The following UTRN variants were observed in gnomAD, a reference collection of about 807,000 sequenced individuals.
The protein encoded by UTRN is utrophin.
A neutral mutation model predicts 463.9 loss-of-function variants in UTRN; 283 were observed. That is an observed-to-expected ratio of 0.61 (90% confidence interval 0.55 to 0.67). UTRN has a LOEUF of 0.67. Ranked by LOEUF, UTRN falls within the 30% of genes least tolerant of loss-of-function variation. The probability of loss-of-function intolerance (pLI) is 0.00; values close to 1 mark genes in which losing one functional copy is unlikely to be tolerated. For synonymous variants in UTRN, 1,442 were observed against 1,431.5 expected (o/e 1.01, Z -0.17); for missense variants, 3,922 against 4,084.3 (o/e 0.96, Z 1.08).
At position 144,705,878 on chromosome 6, in the gene UTRN, A is replaced by G. The variant is rs541659825; in HGVS notation, c.7809+5635A>G. 3.3e-5 allele frequency among the ~76,000 whole-genome samples: 5 copies of G among 151,386 alleles called. No homozygotes were observed. The East Asian group carries it at 9.7e-4, about 29-fold the overall frequency. On this transcript the variant is annotated intron_variant, in intron 53 of 74. Coordinates refer to ENST00000367545, the MANE Select transcript of UTRN (RefSeq NM_007124.3). ...GTTTTAAAATTACGTTACTATAAAT[A>G]TTATATAAAATATATATAATTAACA...
chr6:144,499,885 A>G (rs991427575), intron 34 of UTRN, among the ~76,000 whole-genome samples: 2 of 152,160 alleles, frequency 1.3e-5, no homozygotes, highest in Non-Finnish European at 2.9e-5. Flanking sequence ...CCATTCCTGC[A>G]TTAATTCACT....
chr6:144,766,097 G>A (rs1271771137), intron 58 of UTRN, among the ~76,000 whole-genome samples: 1 of 151,692 alleles, frequency 6.6e-6, no homozygotes, highest in Admixed American at 6.6e-5. Flanking sequence ...CTCCCCAGGG[G>A]CTTTTCCACA....
At chr6:144,630,884 A>C (rs1400062377) in intron 51 of UTRN, among the ~76,000 whole-genome samples, 1 of 152,012 alleles carries the variant, frequency 6.6e-6, no homozygotes, top group Non-Finnish European at 1.5e-5. Flanking sequence ...TAACCACCCC[A>C]AGAAGACTTT....
chr6:144,786,527 A>G (rs1183399458), intron 61 of UTRN, among the ~76,000 whole-genome samples: 1 of 151,860 alleles, frequency 6.6e-6, no homozygotes, highest in Non-Finnish European at 1.5e-5. Context: ...CTCGTGATCC[A>G]CCTGCCTCAG....
intron 65 of UTRN, among the ~76,000 whole-genome samples, chr6:144,819,894 C>CTCT (rs1779419256): frequency 8.0e-6 from 1 of 125,062 alleles, no homozygotes; most frequent in Non-Finnish European, 1.6e-5. Context: ...CCTCCTCCTC[C>CTCT]TCCTCCTCCT....
intron 55 of UTRN, among the ~76,000 whole-genome samples, chr6:144,749,391 C>G (rs1791128796): frequency 6.6e-6 from 1 of 152,116 alleles, no homozygotes; most frequent in Non-Finnish European, 1.5e-5. Flanking sequence ...TTCTTATTTA[C>G]AGAATACACA....
intron 53 of UTRN, 61 bp from the exon 54 acceptor site, chr6:144,730,296 T>C: frequency 6.9e-7 from 1 of 1,444,212 alleles, no homozygotes; most frequent in Middle Eastern, 1.9e-4. Flanking sequence ...TAGTTGAAGA[T>C]GTCCCATAAT....
chr6:144,320,938 G>T (rs541745531), intron 2 of UTRN, among the ~76,000 whole-genome samples: 1 of 152,170 alleles, frequency 6.6e-6, no homozygotes, highest in Non-Finnish European at 1.5e-5. Flanking sequence ...GGGATGGAGT[G>T]GGGGGAGGTG....
intron 46 of UTRN, among the ~76,000 whole-genome samples, chr6:144,546,971 G>T (rs2128609730): frequency 6.6e-6 from 1 of 152,326 alleles, no homozygotes; most frequent in South Asian, 2.1e-4. Flanking sequence ...TTGGTCTCTT[G>T]TGATGTCACG....
In UTRN at chr6:144,635,532, TTTC is replaced by T. The variant is rs1362944284; in HGVS notation, c.7480-42871_7480-42869del. 4.9e-3 allele frequency among the ~76,000 whole-genome samples: 236 copies of T among 48,204 alleles called. 1 individual carries two copies. The highest frequency in any genetic ancestry group is 0.013 in the African/African-American group (144 of 10,788). 31.6% of individuals were successfully genotyped at this position (48,204 alleles called of 152,430 possible). On this transcript the variant is annotated intron_variant, in intron 51 of 74. Coordinates refer to ENST00000367545, the MANE Select transcript of UTRN (RefSeq NM_007124.3). ...TTTTTTTCTTTTTTTTTTTTTTTCT[TTTC>T]TTTTTTTTTTTTTTTTTTTTTTGAG...
chr6:144,528,329 C>T (rs572794871), intron 41 of UTRN, among the ~76,000 whole-genome samples: 4 of 152,284 alleles, frequency 2.6e-5, no homozygotes, highest in African/African-American at 9.6e-5. Flanking sequence ...AGCCACTGCC[C>T]CCAGCCTAGT....
At chr6:144,481,726 C>A (rs527776232) in intron 26 of UTRN, among the ~76,000 whole-genome samples, 3 of 152,344 alleles carry the variant, frequency 2.0e-5, no homozygotes, top group African/African-American at 7.2e-5. Flanking sequence ...ACATTGGATG[C>A]ATGAGTGAAA....
chr6:144,459,885 T>G (rs1789239277), intron 21 of UTRN, among the ~76,000 whole-genome samples: 1 of 152,022 alleles, frequency 6.6e-6, no homozygotes, highest in South Asian at 2.1e-4. Flanking sequence ...ACAGGTGATA[T>G]AACAGCCTCC....
At position 144,615,626 on chromosome 6, in the gene UTRN, A is replaced by G. The variant is rs562403726; in HGVS notation, c.7479+38338A>G. Reference sequence around the variant, plus strand: ...TATTCCTATTTGTTGTACCTCAGCTAGCACATTGGTCTCTGCCTCCAAAGT... The same window carrying G: ...TATTCCTATTTGTTGTACCTCAGCTGGCACATTGGTCTCTGCCTCCAAAGT... On this transcript the variant is annotated intron_variant, in intron 51 of 74. Transcript: ENST00000367545. Among the ~76,000 whole-genome samples the G allele has an allele frequency of 5.3e-5, 8 of 152,282 alleles. No homozygotes were observed. In the South Asian group the frequency reaches 1.4e-3, roughly 28 times the overall value.
chr6:144,493,244 A>C, intron 32 of UTRN, 57 bp from the exon 33 acceptor site: 1 of 1,562,138 alleles, frequency 6.4e-7, no homozygotes, highest in Non-Finnish European at 8.8e-7. Context: ...ACATGATGCC[A>C]GTTGGCAAGT....
At chr6:144,685,363 A>G (rs1782641776) in intron 52 of UTRN, among the ~76,000 whole-genome samples, 2 of 152,204 alleles carry the variant, frequency 1.3e-5, no homozygotes, top group Non-Finnish European at 2.9e-5. Context: ...TCTTTTTGAC[A>G]TAATGACTTC....
chr6:144,737,677 A>C (rs182231947), intron 54 of UTRN, among the ~76,000 whole-genome samples: 1 of 152,234 alleles, frequency 6.6e-6, no homozygotes, highest in African/African-American at 2.4e-5. Context: ...TTTTTAGCTG[A>C]ACTAAAATTA....
intron 39 of UTRN, among the ~76,000 whole-genome samples, chr6:144,518,871 T>C (rs1165358100): frequency 6.6e-6 from 1 of 152,182 alleles, no homozygotes; most frequent in Non-Finnish European, 1.5e-5. Context: ...CAAACTTATA[T>C]GATTCTTAAG....
At chr6:144,764,077 A>T (rs1042347190) in intron 58 of UTRN, among the ~76,000 whole-genome samples, 2 of 152,036 alleles carry the variant, frequency 1.3e-5, no homozygotes, top group Non-Finnish European at 2.9e-5. Flanking sequence ...GTAGTCTGTG[A>T]CTCTGTTTTT....
Sources: gnomAD v4.1 joint callset for allele counts (sites outside exome capture counted in the v4.1 genomes callset) on GRCh38, gnomAD v4.1.1 for gene constraint, MANE v1.5 for transcripts, NCBI Gene and HGNC (gene_info 2026-07-23, HGNC 2026-07-21) for gene names.